The following DOCK3 variants were observed in gnomAD, a reference collection of about 807,000 sequenced individuals.
The protein encoded by DOCK3 is dedicator of cytokinesis protein 3.
In DOCK3, 60 loss-of-function variants were observed where a neutral mutation model predicts 265.6. The ratio of observed to expected loss-of-function variants is 0.23; its 90% CI spans 0.18 to 0.28. The LOEUF (loss-of-function observed/expected upper bound fraction) is 0.28. Ranked by LOEUF, DOCK3 falls within the 10% of genes least tolerant of loss-of-function variation. The pLI is 1.00. For synonymous variants in DOCK3, 881 were observed against 938.0 expected, an observed-to-expected ratio of 0.94 and a Z score of 1.11; for missense variants, 1,981 against 2,594.3, an observed-to-expected ratio of 0.76 and a Z score of 5.14.
rs1360269229 is a variant in DOCK3, at chr3:50,886,252, A to T, written c.163-3774A>T. The stretch of plus-strand genomic sequence containing the variant: ...TGCACTAGGTGTTATTTGGAGAAAT[A>T]CTGAAAAGTATGTTTATTTCATCTT... On this transcript the variant is annotated intron_variant, in intron 3 of 52. Coordinates refer to ENST00000266037, the MANE Select transcript of DOCK3 (RefSeq NM_004947.5). Among the ~76,000 whole-genome samples the T allele has an allele frequency of 2.0e-5, 3 of 150,212 alleles. No homozygotes were observed. In the East Asian group the frequency reaches 5.8e-4, roughly 29 times the overall value.
chr3:50,982,136 A>G (rs2077717414), intron 5 of DOCK3, among the ~76,000 whole-genome samples: 1 of 152,194 alleles, frequency 6.6e-6, no homozygotes, highest in African/African-American at 2.4e-5. Flanking sequence ...GGGGTGAACC[A>G]CTGCCCCTGG....
At chr3:51,036,168 C>T (rs2080254269) in intron 5 of DOCK3, among the ~76,000 whole-genome samples, 1 of 152,184 alleles carries the variant, frequency 6.6e-6, no homozygotes, top group South Asian at 2.1e-4. Context: ...GTCTTCAGAA[C>T]TCTCATATGA....
At chr3:51,148,913 A>C (rs532038867) in intron 10 of DOCK3, among the ~76,000 whole-genome samples, 64 of 152,284 alleles carry the variant, frequency 4.2e-4, no homozygotes, top group African/African-American at 1.4e-3. Flanking sequence ...GATGGCATTG[A>C]ATCTATAAAT....
chr3:51,320,591 G>T (rs1005094566), intron 32 of DOCK3, among the ~76,000 whole-genome samples: 1 of 152,156 alleles, frequency 6.6e-6, no homozygotes, highest in Non-Finnish European at 1.5e-5. Flanking sequence ...AATTCTCACT[G>T]CCAGCACAGC....
intron 11 of DOCK3, 28 bp from the exon 12 acceptor site, chr3:51,160,527 C>T (rs1473643013): frequency 2.5e-6 from 4 of 1,584,898 alleles, no homozygotes; most frequent in Non-Finnish European, 3.4e-6. Context: ...TTTTCTCAGT[C>T]TGACTGGTGT....
chr3:50,985,220 A>G (rs1575682204), intron 5 of DOCK3, among the ~76,000 whole-genome samples: 1 of 152,214 alleles, frequency 6.6e-6, no homozygotes, highest in East Asian at 1.9e-4. Flanking sequence ...ATGGATGCAT[A>G]TTAGGTTTTT....
chr3:50,676,025 G>A (rs1355247123), intron 1 of DOCK3, among the ~76,000 whole-genome samples: 1 of 152,036 alleles, frequency 6.6e-6, no homozygotes, highest in Non-Finnish European at 1.5e-5. Flanking sequence ...GTAATTTAAA[G>A]TATTGAATGT....
chr3:51,280,257 C>G, intron 27 of DOCK3, 53 bp downstream of exon 27: 1 of 1,534,992 alleles, frequency 6.5e-7, no homozygotes. Context: ...GCCAGCACTC[C>G]CCAGGGGCTT....
chr3:51,255,834 G>A (rs570389014), intron 22 of DOCK3, among the ~76,000 whole-genome samples: 9 of 152,160 alleles, frequency 5.9e-5, no homozygotes, highest in Non-Finnish European at 1.3e-4. Context: ...GGAGAAGTTT[G>A]TTATTACCGA....
At chr3:51,324,267 C>T (rs372415530) in intron 32 of DOCK3, among the ~76,000 whole-genome samples, 3 of 152,320 alleles carry the variant, frequency 2.0e-5, no homozygotes, top group South Asian at 4.1e-4. Flanking sequence ...CACAAGCATT[C>T]CTATACACCA....
chr3:50,815,430 T>C (rs939066859), intron 2 of DOCK3, among the ~76,000 whole-genome samples: 4 of 152,218 alleles, frequency 2.6e-5, no homozygotes, highest in African/African-American at 7.2e-5. Context: ...TATTAGACCA[T>C]ACAAATGTTT....
intron 3 of DOCK3, chr3:50,877,768 G>C: frequency 3.5e-6 from 1 of 289,144 alleles, no homozygotes; most frequent in Non-Finnish European, 6.8e-6. Context: ...CCGCCTCCTG[G>C]GTTCAAGCAA....
At chr3:51,069,754 T>G (rs1688538708) in intron 6 of DOCK3, among the ~76,000 whole-genome samples, 1 of 152,180 alleles carries the variant, frequency 6.6e-6, no homozygotes, top group Admixed American at 6.5e-5. Flanking sequence ...GGGAATTGAT[T>G]TGGAGTAAGA....
At chr3:50,966,772 G>A (rs530495698) in intron 5 of DOCK3, among the ~76,000 whole-genome samples, 27 of 152,218 alleles carry the variant, frequency 1.8e-4, no homozygotes, top group African/African-American at 5.8e-4. Context: ...ATGGATGTTA[G>A]TATGGTAAAC....
At chr3:51,052,793 GAC>G (rs1296875991) in intron 5 of DOCK3, among the ~76,000 whole-genome samples, 1 of 152,036 alleles carries the variant, frequency 6.6e-6, no homozygotes, top group South Asian at 2.1e-4. Context: ...GTAATCAAGA[GAC>G]AGAGCTTTCC....
At chr3:50,706,338 C>G (rs894434633) in intron 1 of DOCK3, among the ~76,000 whole-genome samples, 53 of 152,130 alleles carry the variant, frequency 3.5e-4, no homozygotes, top group African/African-American at 1.2e-3. Context: ...ACTTTTATTT[C>G]TATTTTGAAG....
intron 5 of DOCK3, among the ~76,000 whole-genome samples, chr3:50,987,541 T>TG (rs1575687507): frequency 6.6e-6 from 1 of 152,072 alleles, no homozygotes; most frequent in Non-Finnish European, 1.5e-5. Flanking sequence ...AAAAATTTGG[T>TG]GGGGGGAGTG....
rs2080413101 is a variant in DOCK3 at position 51,269,977 on chromosome 3, C to CT, written c.2356-837dup. Among the ~76,000 whole-genome samples the CT allele has an allele frequency of 2.6e-5, 4 of 152,264 alleles. No homozygotes were observed. In the South Asian group the frequency reaches 8.3e-4, roughly 32 times the overall value. ...GTAAAGCTTGGATTTGAACTCGTGT[C>CT]TAATTCCAAAACCCATTCTCTTTTT... On this transcript the variant is annotated intron_variant, in intron 23 of 52. Transcript: ENST00000266037.
At chr3:51,185,769 TA>T (rs908100548) in intron 12 of DOCK3, among the ~76,000 whole-genome samples, 1 of 152,120 alleles carries the variant, frequency 6.6e-6, no homozygotes, top group Non-Finnish European at 1.5e-5. Flanking sequence ...CTGATGGTTT[TA>T]AAAAAAGGGA....
Sources: allele counts gnomAD v4.1 joint callset (sites outside exome capture counted in the v4.1 genomes callset), GRCh38; gene constraint gnomAD v4.1.1; transcripts MANE v1.5; gene names NCBI Gene and HGNC (gene_info 2026-07-23, HGNC 2026-07-21).